Variants in CFAP70 observed in about 807,000 individuals in gnomAD.
CFAP70 encodes cilia- and flagella-associated protein 70.
A neutral mutation model predicts 137.6 loss-of-function variants in CFAP70; 81 were observed. The ratio of observed to expected loss-of-function variants is 0.59; its 90% CI spans 0.49 to 0.71. The LOEUF is 0.71. Ranked by LOEUF, CFAP70 falls within the 30% of genes least tolerant of loss-of-function variation. The pLI is 0.00. For missense variants in CFAP70, 976 were observed against 1,226.7 expected (o/e 0.80, Z 3.05); for synonymous variants, 382 against 423.6 (o/e 0.90, Z 1.20).
chr10:73,348,610 T>C (rs1336162783), intron 3 of CFAP70, 89 bp from the exon 4 acceptor site: 6 of 864,454 alleles, frequency 6.9e-6, no homozygotes, highest in Non-Finnish European at 6.9e-6. Flanking sequence ...GTCAAAGATA[T>C]GTAAGTTAAA....
chr10:73,329,799 A>G (rs1454687039), intron 8 of CFAP70, among the ~76,000 whole-genome samples: 1 of 152,182 alleles, frequency 6.6e-6, no homozygotes, highest in African/African-American at 2.4e-5. Flanking sequence ...CTAAATTCTC[A>G]TTAATGGTGG....
In CFAP70 at chr10:73,348,065, C is replaced by T. The variant is rs569354444; in HGVS notation, c.349+358G>A. 4 of 1,123,594 alleles carry T rather than the reference C, an allele frequency of 3.6e-6. 1 individual carries two copies. The South Asian group carries it at 3.9e-5, about 11-fold the overall frequency. The allele number at this position is 1,123,594 out of a possible 1,614,324, so 69.6% of individuals were successfully genotyped here. On this transcript the variant is annotated intron_variant, in intron 4 of 26. Coordinates refer to ENST00000310715, the Ensembl canonical transcript of CFAP70. ...TGCTGTGAAAAGAAAATGCCCAATG[C>T]ATTACACTCAACTGAATTGAACCTT...
At position 73,348,410 on chromosome 10, in the gene CFAP70, G is replaced by A. The variant is rs2053910554; in HGVS notation, c.349+13C>T. The A allele has an allele frequency of 1.2e-6, 2 of 1,603,910 alleles. No homozygotes were observed. The highest frequency in any genetic ancestry group is 1.7e-6 in the Non-Finnish European group (2 of 1,171,154). On this transcript the variant is annotated intron_variant, in intron 4 of 26. Coordinates refer to ENST00000310715, the Ensembl canonical transcript of CFAP70. ...TTTTCCATTTCTGCTTTTGGGCAAA[G>A]CACACATCTGACCTTCCAGTAAGGG...
chr10:73,343,007 G>A (rs1419851470), intron 5 of CFAP70, among the ~76,000 whole-genome samples: 1 of 151,902 alleles, frequency 6.6e-6, no homozygotes, highest in Admixed American at 6.6e-5. Context: ...TCAGGAGATC[G>A]AGACCATCCT....
At chr10:73,264,127 T>G (rs1306689220) in intron 25 of CFAP70, among the ~76,000 whole-genome samples, 1 of 152,186 alleles carries the variant, frequency 6.6e-6, no homozygotes, top group East Asian at 1.9e-4. Flanking sequence ...CAGTCTTTCT[T>G]TGAACATTTT....
intron 13 of CFAP70, 21 bp from the exon 15 acceptor site, chr10:73,299,122 T>C: frequency 7.6e-6 from 12 of 1,583,784 alleles, no homozygotes; most frequent in Non-Finnish European, 1.0e-5. Context: ...ACAAAACATC[T>C]GGTAGACGCC....
chr10:73,280,981 G>A (rs575147848), intron 19 of CFAP70, among the ~76,000 whole-genome samples: 1 of 151,972 alleles, frequency 6.6e-6, no homozygotes, highest in African/African-American at 2.4e-5. Context: ...GCTTCTTAAG[G>A]TAGAATCTTA....
chr10:73,357,544 A>G (rs537339037), intron 1 of CFAP70, among the ~76,000 whole-genome samples: 6 of 152,328 alleles, frequency 3.9e-5, no homozygotes, highest in African/African-American at 1.4e-4. Flanking sequence ...ATACCTTATT[A>G]AAGTACAGAT....
At chr10:73,328,378 T>C (rs1163930582) in intron 8 of CFAP70, among the ~76,000 whole-genome samples, 1 of 151,658 alleles carries the variant, frequency 6.6e-6, no homozygotes, top group African/African-American at 2.4e-5. Context: ...CCTAAAACCA[T>C]AAAAACTCTA....
intron 8 of CFAP70, among the ~76,000 whole-genome samples, chr10:73,328,162 C>T (rs1350104557): frequency 6.6e-6 from 1 of 152,146 alleles, no homozygotes; most frequent in East Asian, 1.9e-4. Context: ...TGGAACAGAA[C>T]AGAGCCCTGA....
chr10:73,317,235 C>T (rs1385767347), intron 9 of CFAP70, among the ~76,000 whole-genome samples: 2 of 152,154 alleles, frequency 1.3e-5, no homozygotes, highest in Non-Finnish European at 2.9e-5. Flanking sequence ...CCAGGCTGGT[C>T]TCAAACTCCT....
chr10:73,356,419 G>A (rs781600743), intron 1 of CFAP70, among the ~76,000 whole-genome samples: 3 of 152,002 alleles, frequency 2.0e-5, no homozygotes, highest in Non-Finnish European at 4.4e-5. Flanking sequence ...GGCTGGTCTC[G>A]ACGGCTAGGC....
At chr10:73,316,709 C>T (rs2050417034) in intron 9 of CFAP70, among the ~76,000 whole-genome samples, 1 of 151,690 alleles carries the variant, frequency 6.6e-6, no homozygotes. Context: ...TCTGCTATAG[C>T]TCCATTCTAT....
chr10:73,268,121 A>G (rs917863332), intron 25 of CFAP70, among the ~76,000 whole-genome samples: 5 of 152,206 alleles, frequency 3.3e-5, no homozygotes, highest in African/African-American at 1.2e-4. Flanking sequence ...CATCTGCAAA[A>G]TCATTTTACA....
rs1462555225 is a variant in CFAP70 at position 73,297,095 on chromosome 10, T to C, written c.1591A>G (p.Ile531Val). 9 of 1,613,848 alleles carry C rather than the reference T, an allele frequency of 5.6e-6. No individual in the cohort carries two copies. The highest frequency in any genetic ancestry group is 2.2e-5 in the East Asian group (1 of 44,896). The change falls in exon 15 of 27, where the codon ATC becomes GTC. Residue 531 changes from isoleucine to valine, a missense_variant. By Grantham distance (29) the Ile-to-Val change is conservative. Transcript: ENST00000310715. ...ACTAAGAACACATAGAGCTCACTGA[T>C]AAATGTCTGAAGTTCCTCCTGGCTT...
chr10:73,359,725 G>A (rs1333355346), upstream of CFAP70, among the ~76,000 whole-genome samples: 2 of 152,132 alleles, frequency 1.3e-5, no homozygotes, highest in Non-Finnish European at 2.9e-5. Flanking sequence ...GTGGGTAGAT[G>A]TTCTATGAGG....
chr10:73,329,142 G>A (rs377283940), intron 8 of CFAP70, among the ~76,000 whole-genome samples: 12 of 152,114 alleles, frequency 7.9e-5, no homozygotes, highest in Non-Finnish European at 7.4e-5. Context: ...CATATACACC[G>A]TGGAATACTA....
intron 19 of CFAP70, among the ~76,000 whole-genome samples, chr10:73,282,002 A>T (rs2047291961): frequency 6.6e-6 from 1 of 152,206 alleles, no homozygotes; most frequent in Non-Finnish European, 1.5e-5. Flanking sequence ...AAAGGGGCTG[A>T]CTGGGTTCTC....
chr10:73,290,915 C>T (rs1161914303), intron 19 of CFAP70, among the ~76,000 whole-genome samples: 3 of 152,104 alleles, frequency 2.0e-5, no homozygotes, highest in Non-Finnish European at 2.9e-5. Flanking sequence ...TCCTGGTATC[C>T]CTGAAATAAC....
Sources: gnomAD v4.1 joint callset for allele counts (sites outside exome capture counted in the v4.1 genomes callset) on GRCh38, gnomAD v4.1.1 for gene constraint, MANE v1.5 for transcripts, NCBI Gene and HGNC (gene_info 2026-07-23, HGNC 2026-07-21) for gene names.